CDH13: variants seen among roughly 807,000 people sequenced by gnomAD.
The protein encoded by CDH13 is cadherin 13, also known as cadherin-13.
CDH13 carries 24 observed loss-of-function variants against 63.8 expected under a neutral mutation model. The observed-to-expected ratio is 0.38, with a 90% CI of 0.27 to 0.53. The LOEUF is 0.53. Ranked by LOEUF, CDH13 falls within the 20% of genes least tolerant of loss-of-function variation. The pLI is 0.85. For synonymous variants in CDH13, 503 were observed against 355.3 expected (o/e 1.42, Z -4.67); for missense variants, 1,049 against 903.1 (o/e 1.16, Z -2.07).
intron 2 of CDH13, among the ~76,000 whole-genome samples, chr16:82,914,390 C>G (rs140068746): frequency 2.9e-4 from 44 of 152,216 alleles, no homozygotes; most frequent in African/African-American, 1.0e-3. Flanking sequence ...AAAAATGAGC[C>G]TACGTTCAGC....
chr16:82,943,944 C>A (rs1904408872), intron 2 of CDH13, among the ~76,000 whole-genome samples: 1 of 152,164 alleles, frequency 6.6e-6, no homozygotes, highest in African/African-American at 2.4e-5. Context: ...AGAAAGAGGG[C>A]CCAGGCAATG....
chr16:82,947,916 A>C (rs556192010), intron 2 of CDH13, among the ~76,000 whole-genome samples: 4 of 152,172 alleles, frequency 2.6e-5, no homozygotes, highest in Admixed American at 2.0e-4. Flanking sequence ...AGTGTGTGAC[A>C]TTTTAAGTGC....
intron 5 of CDH13, among the ~76,000 whole-genome samples, chr16:83,321,847 A>G (rs958883902): frequency 6.6e-6 from 1 of 152,158 alleles, no homozygotes; most frequent in Non-Finnish European, 1.5e-5. Context: ...AATTTTGTTA[A>G]ACACTTCTGT....
intron 1 of CDH13, among the ~76,000 whole-genome samples, chr16:82,812,541 A>C (rs1287987248): frequency 6.6e-6 from 1 of 152,030 alleles, no homozygotes; most frequent in Non-Finnish European, 1.5e-5. Context: ...GTGAGAAGAG[A>C]GGAGAGGAGT....
At chr16:83,033,870 C>G (rs895744201) in intron 3 of CDH13, among the ~76,000 whole-genome samples, 1 of 152,140 alleles carries the variant, frequency 6.6e-6, no homozygotes, top group Non-Finnish European at 1.5e-5. Flanking sequence ...GCCTAGCCTT[C>G]TCTCCTACCT....
intron 1 of CDH13, among the ~76,000 whole-genome samples, chr16:82,676,475 T>G (rs1913914434): frequency 6.8e-6 from 1 of 146,518 alleles, no homozygotes; most frequent in Non-Finnish European, 1.5e-5. Flanking sequence ...TAATCTGAGC[T>G]ACCATCATTT....
chr16:83,099,436 G>A (rs1199978322), intron 3 of CDH13, among the ~76,000 whole-genome samples: 1 of 151,658 alleles, frequency 6.6e-6, no homozygotes, highest in Non-Finnish European at 1.5e-5. Flanking sequence ...TGATTCTCCT[G>A]CCTCAGCCTC....
At chr16:83,162,054 C>T (rs2037469866) in intron 4 of CDH13, among the ~76,000 whole-genome samples, 1 of 152,112 alleles carries the variant, frequency 6.6e-6, no homozygotes, top group Non-Finnish European at 1.5e-5. Flanking sequence ...GGGGGTTAGG[C>T]CCATTTTATA....
intron 1 of CDH13, among the ~76,000 whole-genome samples, chr16:82,832,721 T>A (rs1310610462): frequency 1.4e-5 from 2 of 145,388 alleles, no homozygotes; most frequent in African/African-American, 5.2e-5. Context: ...TACAGTAAGC[T>A]TTTGCATCTG....
chr16:82,762,601 T>G (rs568738636), intron 1 of CDH13, among the ~76,000 whole-genome samples: 47 of 152,296 alleles, frequency 3.1e-4, no homozygotes, highest in Non-Finnish European at 4.6e-4. Flanking sequence ...TTGGTGTTCT[T>G]GGTGATGGTC....
chr16:82,677,552 G>C (rs1022963441), intron 1 of CDH13, among the ~76,000 whole-genome samples: 9 of 148,290 alleles, frequency 6.1e-5, no homozygotes, highest in Admixed American at 5.5e-4. Flanking sequence ...AATTACTGCT[G>C]TGTAGATAAG....
intron 3 of CDH13, among the ~76,000 whole-genome samples, chr16:83,041,603 A>G (rs943857833): frequency 1.3e-5 from 2 of 152,226 alleles, no homozygotes; most frequent in Admixed American, 6.5e-5. Context: ...TTTGGTAAGT[A>G]CCTTGAGGAA....
intron 1 of CDH13, among the ~76,000 whole-genome samples, chr16:82,715,351 G>T (rs1418672546): frequency 1.3e-5 from 2 of 152,060 alleles, no homozygotes; most frequent in Non-Finnish European, 2.9e-5. Flanking sequence ...CCAAGTCAGG[G>T]CGTCTGTTTG....
At chr16:82,844,342 A>T (rs749082065) in intron 1 of CDH13, 1 of 152,140 alleles carries the variant, frequency 6.6e-6, no homozygotes, top group Non-Finnish European at 1.5e-5. Context: ...CTTTAGAACT[A>T]TAAGGTAATA....
intron 4 of CDH13, among the ~76,000 whole-genome samples, chr16:83,146,884 T>C (rs1362203057): frequency 3.3e-5 from 5 of 152,164 alleles, no homozygotes; most frequent in African/African-American, 1.2e-4. Context: ...GGTCAGGAGT[T>C]CGAAGTTAGC....
intron 6 of CDH13, among the ~76,000 whole-genome samples, chr16:83,427,202 C>T (rs2071937327): frequency 6.6e-6 from 1 of 152,136 alleles, no homozygotes; most frequent in East Asian, 1.9e-4. Flanking sequence ...GTGTGAGCCA[C>T]CGCGCCCGGC....
intron 6 of CDH13, among the ~76,000 whole-genome samples, chr16:83,360,220 C>T (rs541213761): frequency 2.0e-5 from 3 of 152,298 alleles, no homozygotes; most frequent in African/African-American, 7.2e-5. Context: ...CATTCTTCGT[C>T]AAGATTAGTC....
At position 83,158,014 on chromosome 16, in the gene CDH13, C is replaced by T. The variant is rs117271637; in HGVS notation, c.483+32513C>T. Among the ~76,000 whole-genome samples the T allele has an allele frequency of 1.8e-4, 28 of 152,218 alleles. No individual in the cohort carries two copies. In the East Asian group the frequency reaches 3.9e-3, roughly 21 times the overall value. ...CTAGCAGCCCCCAACCAATGCATGC[C>T]GTGAACTCATTCCAGGTATCATGCA... On this transcript the variant is annotated intron_variant, in intron 4 of 13. Transcript: ENST00000567109.
At chr16:83,473,602 G>A (rs929244493) in intron 6 of CDH13, among the ~76,000 whole-genome samples, 1 of 152,158 alleles carries the variant, frequency 6.6e-6, no homozygotes, top group African/African-American at 2.4e-5. Context: ...TGTCCCTCGG[G>A]CTTCTGGACC....
Sources: allele counts gnomAD v4.1 joint callset (sites outside exome capture counted in the v4.1 genomes callset), GRCh38; gene constraint gnomAD v4.1.1; transcripts MANE v1.5; gene names NCBI Gene and HGNC (gene_info 2026-07-23, HGNC 2026-07-21).